Variants in EPHA6 observed in about 807,000 individuals in gnomAD.
EPHA6 encodes the protein ephrin type-A receptor 6.
A neutral mutation model predicts 112.0 loss-of-function variants in EPHA6; 50 were observed. The ratio of observed to expected loss-of-function variants is 0.45; its 90% confidence interval spans 0.36 to 0.56. EPHA6 has a LOEUF of 0.56. EPHA6 is among the 20% of genes least tolerant of loss of function. The pLI is 0.00. For synonymous variants in EPHA6, 529 were observed against 490.7 expected (o/e 1.08, Z -1.03); for missense variants, 1,280 against 1,417.4 (o/e 0.90, Z 1.56).
intron 2 of EPHA6, among the ~76,000 whole-genome samples, chr3:96,922,941 C>T (rs977306079): frequency 2.0e-5 from 3 of 151,984 alleles, no homozygotes; most frequent in African/African-American, 7.2e-5. Context: ...GCTTCCAATT[C>T]CATTCATGTC....
intron 2 of EPHA6, among the ~76,000 whole-genome samples, chr3:96,913,182 A>ACT: frequency 7.1e-6 from 1 of 141,128 alleles, no homozygotes; most frequent in Non-Finnish European, 1.5e-5. Context: ...ACACACACAC[A>ACT]CACACACACA....
At chr3:96,818,454 C>G (rs112060203) in intron 1 of EPHA6, among the ~76,000 whole-genome samples, 2,026 of 151,936 alleles carry the variant, frequency 0.013, 49 homozygotes, top group African/African-American at 0.045. Flanking sequence ...TCGATTTTCC[C>G]CCCAGGCAAT....
intron 10 of EPHA6, among the ~76,000 whole-genome samples, chr3:97,514,429 G>A (rs560102466): frequency 2.0e-5 from 3 of 152,178 alleles, no homozygotes; most frequent in Admixed American, 6.5e-5. Context: ...CATATTTCAG[G>A]ATTATTAATA....
intron 2 of EPHA6, among the ~76,000 whole-genome samples, chr3:96,928,748 A>G (rs1298223214): frequency 1.3e-5 from 2 of 152,070 alleles, no homozygotes; most frequent in Non-Finnish European, 2.9e-5. Flanking sequence ...ATTGTGTGGG[A>G]GTCTAAGTCT....
At chr3:97,618,510 T>G (rs2093785010) in intron 13 of EPHA6, among the ~76,000 whole-genome samples, 1 of 151,846 alleles carries the variant, frequency 6.6e-6, no homozygotes. Flanking sequence ...TGATAAAATA[T>G]CTAGACTGCT....
At chr3:97,079,367 A>AT (rs946560376) in intron 3 of EPHA6, among the ~76,000 whole-genome samples, 14 of 152,224 alleles carry the variant, frequency 9.2e-5, no homozygotes, top group Admixed American at 8.5e-4. Flanking sequence ...CAAATACCAC[A>AT]TGTTCTCTCT....
chr3:97,113,467 G>T (rs887027313), intron 3 of EPHA6, among the ~76,000 whole-genome samples: 2 of 152,018 alleles, frequency 1.3e-5, no homozygotes, highest in Admixed American at 6.6e-5. Context: ...TCCTTTCGTC[G>T]ACAAGTCATA....
intron 1 of EPHA6, among the ~76,000 whole-genome samples, chr3:96,843,332 A>G (rs2034865179): frequency 6.6e-6 from 1 of 152,100 alleles, no homozygotes; most frequent in African/African-American, 2.4e-5. Context: ...CTAGAAATGA[A>G]AATTAATGAA....
intron 14 of EPHA6, among the ~76,000 whole-genome samples, chr3:97,665,704 T>C (rs1043946459): frequency 6.6e-6 from 1 of 152,198 alleles, no homozygotes; most frequent in African/African-American, 2.4e-5. Context: ...AATACACACA[T>C]CTTCCACATG....
intron 3 of EPHA6, among the ~76,000 whole-genome samples, chr3:97,117,811 G>A (rs2047933873): frequency 1.3e-5 from 2 of 151,632 alleles, no homozygotes; most frequent in African/African-American, 2.4e-5. Flanking sequence ...AAATGAATTT[G>A]GTCATAAGAA....
chr3:97,212,192 A>G (rs2077895597), intron 3 of EPHA6, among the ~76,000 whole-genome samples: 1 of 152,260 alleles, frequency 6.6e-6, no homozygotes, highest in East Asian at 1.9e-4. Flanking sequence ...AAAATACTAA[A>G]TAGTATTTCA....
At chr3:97,078,238 ATTGT>A (rs959160483) in intron 3 of EPHA6, among the ~76,000 whole-genome samples, 73 of 151,566 alleles carry the variant, frequency 4.8e-4, no homozygotes, top group Admixed American at 4.3e-3. Flanking sequence ...TTTTGATGTG[ATTGT>A]TTGTTTTTTT....
In EPHA6 at chr3:97,600,301, A is replaced by G. The variant is rs901430881; in HGVS notation, c.2512+7564A>G. Among the ~76,000 whole-genome samples, 76 of 149,698 alleles carry G rather than the reference A, an allele frequency of 5.1e-4. 1 individual carries two copies. The highest frequency in any genetic ancestry group is 1.7e-3 in the African/African-American group (68 of 40,508). ...TGCCCTGGCCAGAACTTCCAACACT[A>G]TGTTGAATAGGAGTGGTGAGAGAGG... On this transcript the variant is annotated intron_variant, in intron 12 of 17. Coordinates refer to ENST00000389672, the MANE Select transcript of EPHA6 (RefSeq NM_001080448.3).
chr3:97,127,729 AAAG>A, intron 3 of EPHA6, among the ~76,000 whole-genome samples: 1 of 152,016 alleles, frequency 6.6e-6, no homozygotes, highest in Admixed American at 6.5e-5. Flanking sequence ...AAAAAAAAAA[AAAG>A]AATGAACTTC....
At chr3:97,679,980 C>A (rs965936821) in intron 14 of EPHA6, among the ~76,000 whole-genome samples, 1 of 152,176 alleles carries the variant, frequency 6.6e-6, no homozygotes, top group Non-Finnish European at 1.5e-5. Flanking sequence ...TGCTGCTACA[C>A]GGTGTTCTGT....
chr3:97,290,407 A>G (rs1365595116), intron 5 of EPHA6, among the ~76,000 whole-genome samples: 4 of 152,142 alleles, frequency 2.6e-5, no homozygotes, highest in Non-Finnish European at 5.9e-5. Flanking sequence ...AAGAATGTAT[A>G]GTCTGTGGCT....
At chr3:97,498,583 C>T (rs2092040536) in intron 10 of EPHA6, among the ~76,000 whole-genome samples, 2 of 152,066 alleles carry the variant, frequency 1.3e-5, no homozygotes, top group African/African-American at 4.8e-5. Flanking sequence ...ATGTATTGGC[C>T]TGGTAAGGGT....
rs910502735 is a variant in EPHA6, at chr3:97,045,080, C to A, written c.1114+57087C>A. 2.0e-5 allele frequency among the ~76,000 whole-genome samples: 3 copies of A among 151,928 alleles called. No individual in the cohort carries two copies. In the South Asian group the frequency reaches 6.2e-4, roughly 31 times the overall value. On this transcript the variant is annotated intron_variant, in intron 3 of 17. Transcript: ENST00000389672. ...TTAATATCTGGTATTCTATGAGACACTTTGAACTTAGTCTGTAGTTAAATA... is the reference window on the plus strand; with the variant it reads ...TTAATATCTGGTATTCTATGAGACAATTTGAACTTAGTCTGTAGTTAAATA...
Position 96,946,707 on chromosome 3 carries a change from G to A in EPHA6, c.451-40623G>A, listed in dbSNP as rs144361883. Among the ~76,000 whole-genome samples, 10 of 152,250 alleles carry A rather than the reference G, an allele frequency of 6.6e-5. No individual in the cohort carries two copies. The East Asian group carries it at 1.9e-3, about 29-fold the overall frequency. ...ATATACCCAGTAACGGGATGGCTGGGTCAAAGGGTATTTCTAGTTCTAGAT... is the reference window on the plus strand; with the variant it reads ...ATATACCCAGTAACGGGATGGCTGGATCAAAGGGTATTTCTAGTTCTAGAT... On this transcript the variant is annotated intron_variant, in intron 2 of 17. Coordinates refer to ENST00000389672, the MANE Select transcript of EPHA6 (RefSeq NM_001080448.3).
Sources: allele counts gnomAD v4.1 joint callset (sites outside exome capture counted in the v4.1 genomes callset), GRCh38; gene constraint gnomAD v4.1.1; transcripts MANE v1.5; gene names NCBI Gene and HGNC (gene_info 2026-07-23, HGNC 2026-07-21).